Variants in CLDN19 observed in about 807,000 individuals in gnomAD.
CLDN19 encodes the protein claudin 19, also known as claudin-19.
Under a neutral mutation model 24.5 loss-of-function variants are expected in CLDN19, and 19 were observed. The observed-to-expected ratio is 0.78, with a 90% CI of 0.54 to 1.14. The LOEUF (loss-of-function observed/expected upper bound fraction) is 1.14. Ranked by LOEUF, CLDN19 falls within the 50% of genes most tolerant of loss-of-function variation. The probability of loss-of-function intolerance (pLI) is 0.00; values close to 1 mark genes in which losing one functional copy is unlikely to be tolerated. For synonymous variants in CLDN19, 117 were observed against 129.6 expected, an observed-to-expected ratio of 0.90 and a Z score of 0.66; for missense variants, 250 against 295.9, an observed-to-expected ratio of 0.84 and a Z score of 1.14.
Position 42,734,950 on chromosome 1 carries a change from G to A in CLDN19, c.*136C>T. ...GGTCAGCACTGACCACTCTGACACA[G>A]GCCCCGTCCAAGCCACGCTGAGGAC... On this transcript the variant is annotated 3_prime_UTR_variant, in exon 5 of 5. Transcript: ENST00000296387. 1 of 749,166 alleles carries A rather than the reference G, an allele frequency of 1.3e-6. No homozygotes were observed. 46.4% of individuals were successfully genotyped at this position (749,166 alleles called of 1,614,324 possible). A position where few individuals can be genotyped will look rare whatever the true frequency, so the allele number is the denominator to read the frequency against.
At chr1:42,735,535 C>G in intron 4 of CLDN19, 3 of 1,416,996 alleles carry the variant, frequency 2.1e-6, no homozygotes, top group Non-Finnish European at 2.8e-6. Flanking sequence ...CAGCACGTAG[C>G]AGACACCCAA....
At position 42,736,523 on chromosome 1, in the gene CLDN19, G is replaced by T. The variant is rs1169767656; in HGVS notation, c.474-493C>A. Among the ~76,000 whole-genome samples the T allele has an allele frequency of 2.0e-5, 3 of 151,748 alleles. No individual in the cohort carries two copies. In the East Asian group the frequency reaches 5.9e-4, roughly 30 times the overall value. The stretch of plus-strand genomic sequence containing the variant: ...TGCTGGCCAGGCCAGCCCTGCTCCT[G>T]GTTCTCACTGCCTTGGTGCCTTTGC... On this transcript the variant is annotated intron_variant, in intron 3 of 4. Coordinates refer to ENST00000296387, the MANE Select transcript of CLDN19 (RefSeq NM_148960.3).
At chr1:42,736,388 T>C (rs1368252688) in intron 3 of CLDN19, among the ~76,000 whole-genome samples, 3 of 152,016 alleles carry the variant, frequency 2.0e-5, no homozygotes, top group East Asian at 1.9e-4. Context: ...CCATGTTTTT[T>C]CCCAGTCACA....
Position 42,735,882 on chromosome 1 carries a change from G to C in CLDN19, c.622C>G (p.Arg208Gly). The change falls in exon 4 of 5, where the codon CGA (arginine) becomes GGA (glycine). Residue 208 changes from arginine (R) to glycine (G), a missense_variant. Physicochemically the swap from Arg to Gly is moderately radical, Grantham distance 125. Transcript: ENST00000296387. The stretch of plus-strand genomic sequence containing the variant: ...GCAGGCGGAGCTCAGACGTACTCTC[G>C]GGCAGCAGCAGAGGGTCCAGGCCGA... ...PYRPGPSAAA[R>G]EPVVKLPASA... 6.3e-7 allele frequency: 1 copy of C among 1,576,970 alleles called. No homozygotes were observed.
chr1:42,736,619 G>A (rs1651382805), intron 3 of CLDN19, among the ~76,000 whole-genome samples: 1 of 152,184 alleles, frequency 6.6e-6, no homozygotes, highest in African/African-American at 2.4e-5. Context: ...TTCCTTCTCT[G>A]CCTTCAGAGC....
intron 3 of CLDN19, 89 bp from the exon 4 acceptor site, chr1:42,736,119 G>T: frequency 1.2e-6 from 1 of 833,992 alleles, no homozygotes; most frequent in Non-Finnish European, 1.9e-6. Flanking sequence ...GGCAGAGTGT[G>T]TGGAGCTGGA....
intron 4 of CLDN19, 166 bp from the exon 5 acceptor site, chr1:42,735,300 C>T (rs993520421): frequency 1.7e-5 from 25 of 1,506,406 alleles, no homozygotes; most frequent in Middle Eastern, 4.8e-4. Flanking sequence ...CGCCATGGTC[C>T]GACCTCACCA....
At chr1:42,738,155 G>A (rs993176232) in intron 3 of CLDN19, 74 bp downstream of exon 3, 29 of 1,231,326 alleles carry the variant, frequency 2.4e-5, no homozygotes, top group South Asian at 8.4e-5. Context: ...CACTTCCCCC[G>A]CCAGGTGATC....
chr1:42,739,198 C>T lies in CLDN19; in HGVS notation c.224-613G>A, dbSNP rs546560939. Among the ~76,000 whole-genome samples the T allele has an allele frequency of 5.4e-4, 82 of 152,322 alleles. 1 individual carries two copies. Among genetic ancestry groups the T allele is most frequent in the African/African-American group, 1.9e-3 (79 of 41,580 alleles). On this transcript the variant is annotated intron_variant, in intron 1 of 4. Coordinates refer to ENST00000296387, the MANE Select transcript of CLDN19 (RefSeq NM_148960.3). ...ATGGGGCTGGTTGAAGGCCGCTCTGCTCCCAGCTCCCATGGGGAGCAGATT... is the reference window on the plus strand; with the variant it reads ...ATGGGGCTGGTTGAAGGCCGCTCTGTTCCCAGCTCCCATGGGGAGCAGATT...
Position 42,734,426 on chromosome 1 carries a change from G to A in CLDN19, c.*660C>T, listed in dbSNP as rs927279008. The stretch of plus-strand genomic sequence containing the variant: ...CAGGAGAGGAGGAATGGTAGGTGTG[G>A]AAACAAGGGGCAGGATTCGGGGTGA... On this transcript the variant is annotated 3_prime_UTR_variant, in exon 5 of 5. Transcript: ENST00000296387. 2 of 153,412 alleles carry A rather than the reference G, an allele frequency of 1.3e-5. No individual in the cohort carries two copies. Among genetic ancestry groups the A allele is most frequent in the African/African-American group, 4.8e-5 (2 of 41,428 alleles). The allele number at this position is 153,412 out of a possible 1,614,324, so 9.5% of individuals were successfully genotyped here.
rs1490465444 is a variant in CLDN19, at chr1:42,733,628, C to A, written c.*1458G>T. On this transcript the variant is annotated 3_prime_UTR_variant, in exon 5 of 5. Transcript: ENST00000296387. Reference sequence around the variant, plus strand: ...CCATTGCACTATAGCTTCAGGCACCCAGAGGAGAAACTCCTGCAGTTCTCA... The same window carrying A: ...CCATTGCACTATAGCTTCAGGCACCAAGAGGAGAAACTCCTGCAGTTCTCA... 1 of 152,192 alleles carries A rather than the reference C, an allele frequency of 6.6e-6. No homozygotes were observed. Among genetic ancestry groups the A allele is most frequent in the Non-Finnish European group, 1.5e-5 (1 of 68,070 alleles). 9.4% of individuals were successfully genotyped at this position (152,192 alleles called of 1,614,324 possible).
intron 4 of CLDN19, 98 bp from the exon 5 acceptor site, chr1:42,735,232 T>C: frequency 6.3e-7 from 1 of 1,580,096 alleles, no homozygotes; most frequent in Non-Finnish European, 8.6e-7. Flanking sequence ...CTGGCCAGCG[T>C]GGCCAGACCT....
rs1452486962 is a variant in CLDN19 at position 42,740,013 on chromosome 1, G to A, written c.51C>T (p.Gly17=). 6.4e-7 allele frequency: 1 copy of A among 1,571,118 alleles called. No homozygotes were observed. The highest frequency in any genetic ancestry group is 2.4e-5 in the East Asian group (1 of 42,402). The part of the protein sequence containing the change: ...QLLGYFLALG[G]WVGIIASTAL... ...CTGTGCTAGCAATGATGCCCACCCA[G>A]CCACCCAGGGCCAAGAAGTAGCCCA... Residue 17 remains glycine, a synonymous_variant, in exon 1 of 5, where the codon GGC becomes GGT. Coordinates refer to ENST00000296387, the MANE Select transcript of CLDN19 (RefSeq NM_148960.3).
chr1:42,735,029 A>G lies in CLDN19; in HGVS notation c.*57T>C. 7.2e-7 allele frequency: 1 copy of G among 1,389,168 alleles called. No individual in the cohort carries two copies. Among genetic ancestry groups the G allele is most frequent in the South Asian group, 1.2e-5 (1 of 85,224 alleles). The allele number at this position is 1,389,168 out of a possible 1,614,324, so 86.1% of individuals were successfully genotyped here. On this transcript the variant is annotated 3_prime_UTR_variant, in exon 5 of 5. Coordinates refer to ENST00000296387, the MANE Select transcript of CLDN19 (RefSeq NM_148960.3). ...GATGTTCACTTCTCTTTCCAAAAAA[A>G]TATGAAACACACAGTCTAGGTATGG...
intron 1 of CLDN19, 97 bp from the exon 2 acceptor site, chr1:42,738,682 G>A (rs1346252556): frequency 2.4e-6 from 3 of 1,240,070 alleles, no homozygotes; most frequent in Non-Finnish European, 3.4e-6. Context: ...AGAGGGGCTT[G>A]AGCAGGAGCT....
rs573827426 is a variant in CLDN19 at position 42,735,229 on chromosome 1, G to A, written c.627-95C>T. 3.8e-6 allele frequency: 6 copies of A among 1,583,968 alleles called. No individual in the cohort carries two copies. In the East Asian group the frequency reaches 1.4e-4, roughly 36 times the overall value. On this transcript the variant is annotated intron_variant, in intron 4 of 4. Coordinates refer to ENST00000296387, the MANE Select transcript of CLDN19 (RefSeq NM_148960.3). Reference sequence around the variant, plus strand: ...CAGGCCCGGACATGGGTACTGGCCAGCGTGGCCAGACCTTGGCCCTCACAG... The same window carrying A: ...CAGGCCCGGACATGGGTACTGGCCAACGTGGCCAGACCTTGGCCCTCACAG...
chr1:42,737,246 C>T (rs1031118849), intron 3 of CLDN19, among the ~76,000 whole-genome samples: 1 of 152,190 alleles, frequency 6.6e-6, no homozygotes, highest in African/African-American at 2.4e-5. Flanking sequence ...CTCCCTGTTG[C>T]CCCAAACTCT....
chr1:42,735,936 C>T lies in CLDN19; in HGVS notation c.568G>A (p.Glu190Lys). ...SFLCCTCPEP[E>K]RPNSSPQPYR... is the part of the protein sequence containing the mutation. ...GGCTGTGGGCTGCTGTTGGGTCTCT[C>T]TGGCTCCGGGCATGTGCAGCAGAGG... The change falls in exon 4 of 5, where the codon GAG becomes AAG. Residue 190 changes from glutamate to lysine, a missense_variant. Glu to Lys is a moderately conservative substitution (Grantham distance 56). Transcript: ENST00000296387. 1 of 1,578,394 alleles carries T rather than the reference C, an allele frequency of 6.3e-7. No homozygotes were observed. The highest frequency in any genetic ancestry group is 8.6e-7 in the Non-Finnish European group (1 of 1,162,046).
In CLDN19 at chr1:42,735,976, C is replaced by T. The variant is rs1289785127; in HGVS notation, c.528G>A (p.Val176=). 4 of 1,575,278 alleles carry T rather than the reference C, an allele frequency of 2.5e-6. No individual in the cohort carries two copies. The highest frequency in any genetic ancestry group is 2.0e-4 in the Middle Eastern group (1 of 5,120). The change falls in exon 4 of 5, where the codon GTG becomes GTA. Residue 176 remains valine, a synonymous_variant. Coordinates refer to ENST00000296387, the MANE Select transcript of CLDN19 (RefSeq NM_148960.3). ...FVGWASAGLA[V]LGGSFLCCTC... is the part of the protein sequence containing the mutation. Reference sequence around the variant, plus strand: ...TGCAGCAGAGGAAGGAGCCGCCCAGCACGGCCAGGCCAGCTGAGGCCCAGC... The same window carrying T: ...TGCAGCAGAGGAAGGAGCCGCCCAGTACGGCCAGGCCAGCTGAGGCCCAGC...
Sources: gnomAD v4.1 joint callset for allele counts (sites outside exome capture counted in the v4.1 genomes callset) on GRCh38, gnomAD v4.1.1 for gene constraint, MANE v1.5 for transcripts, NCBI Gene and HGNC (gene_info 2026-07-23, HGNC 2026-07-21) for gene names.